Variants in GABBR2 observed in about 807,000 individuals in gnomAD.
GABBR2 encodes gamma-aminobutyric acid type B receptor subunit 2.
A neutral mutation model predicts 105.6 loss-of-function variants in GABBR2; 23 were observed. The observed-to-expected ratio is 0.22, with a 90% CI of 0.16 to 0.31. The LOEUF is 0.31. Among genes scored for constraint, GABBR2 ranks in the 10% least tolerant of loss-of-function variants. The pLI is 1.00. For missense variants in GABBR2, 734 were observed against 1,245.5 expected (o/e 0.59, Z 6.18); for synonymous variants, 478 against 499.7 (o/e 0.96, Z 0.58).
intron 13 of GABBR2, among the ~76,000 whole-genome samples, chr9:98,334,573 G>C (rs1470285207): frequency 1.4e-5 from 2 of 143,828 alleles, no homozygotes; most frequent in African/African-American, 5.1e-5. Flanking sequence ...GTACGTGTTT[G>C]CTTACTATTG....
At chr9:98,402,755 C>G (rs965440700) in intron 8 of GABBR2, among the ~76,000 whole-genome samples, 1 of 152,106 alleles carries the variant, frequency 6.6e-6, no homozygotes, top group Admixed American at 6.5e-5. Context: ...ATTTATCCTC[C>G]CCTTCTCATC....
intron 4 of GABBR2, among the ~76,000 whole-genome samples, chr9:98,486,238 G>A (rs535149631): frequency 5.9e-5 from 9 of 152,292 alleles, no homozygotes; most frequent in Non-Finnish European, 8.8e-5. Context: ...TTGACTCCTC[G>A]CTCCTATCTA....
chr9:98,317,193 C>G (rs898987167), intron 13 of GABBR2, among the ~76,000 whole-genome samples: 1 of 152,308 alleles, frequency 6.6e-6, no homozygotes, highest in Admixed American at 6.5e-5. Flanking sequence ...GGCAGGGCAC[C>G]GTGTCCAGCA....
At position 98,574,462 on chromosome 9, in the gene GABBR2, G is replaced by T. The variant is rs114713390; in HGVS notation, c.459+3473C>A. On this transcript the variant is annotated intron_variant, in intron 2 of 18. Transcript: ENST00000259455. ...AGCCACACTGGAAGCAGATCCTTCG[G>T]CCCTAATCAAGCCTTCAGATGATGC... Among the ~76,000 whole-genome samples, 215 of 152,274 alleles carry T rather than the reference G, an allele frequency of 1.4e-3. 1 individual carries two copies. The highest frequency in any genetic ancestry group is 5.0e-3 in the African/African-American group (206 of 41,548).
At chr9:98,594,561 A>T (rs1303411324) in intron 1 of GABBR2, among the ~76,000 whole-genome samples, 1 of 152,182 alleles carries the variant, frequency 6.6e-6, no homozygotes, top group Admixed American at 6.5e-5. Context: ...CCTATGGCTC[A>T]TTGAGGCAGC....
intron 3 of GABBR2, among the ~76,000 whole-genome samples, chr9:98,536,527 CACTGCCT>C (rs1432656401): frequency 2.0e-5 from 3 of 152,116 alleles, no homozygotes; most frequent in Non-Finnish European, 4.4e-5. Context: ...ATCCCCTGCC[CACTGCCT>C]TCATCTCCAC....
chr9:98,563,963 A>G (rs1025946958), intron 2 of GABBR2, among the ~76,000 whole-genome samples: 1 of 152,236 alleles, frequency 6.6e-6, no homozygotes, highest in Non-Finnish European at 1.5e-5. Flanking sequence ...TGAAATACTT[A>G]GCATAGTTAT....
chr9:98,479,303 G>C (rs1240513166), intron 5 of GABBR2, among the ~76,000 whole-genome samples: 1 of 152,142 alleles, frequency 6.6e-6, no homozygotes, highest in Non-Finnish European at 1.5e-5. Flanking sequence ...AGGGTTCACT[G>C]TACATGAGGT....
intron 2 of GABBR2, among the ~76,000 whole-genome samples, chr9:98,561,985 T>G (rs1828678827): frequency 6.6e-6 from 1 of 152,082 alleles, no homozygotes; most frequent in African/African-American, 2.4e-5. Flanking sequence ...TAAAAGCTTG[T>G]GAGGAAATGG....
chr9:98,349,221 T>C (rs1831349727), intron 13 of GABBR2, among the ~76,000 whole-genome samples: 1 of 152,182 alleles, frequency 6.6e-6, no homozygotes, highest in Admixed American at 6.5e-5. Context: ...TAATGCAATA[T>C]ATTACATTTA....
At position 98,529,581 on chromosome 9, in the gene GABBR2, A is replaced by G. The variant is rs144457184; in HGVS notation, c.630+12292T>C. Among the ~76,000 whole-genome samples the G allele has an allele frequency of 4.6e-3, 695 of 152,330 alleles. 3 individuals carry two copies. The highest frequency in any genetic ancestry group is 7.2e-3 in the Non-Finnish European group (492 of 68,024). ...CCTTTGTGCTCTTTTGTGTTTTCCAAGTTTTCTGCATTGAGTTCATATCCA... is the reference window on the plus strand; with the variant it reads ...CCTTTGTGCTCTTTTGTGTTTTCCAGGTTTTCTGCATTGAGTTCATATCCA... On this transcript the variant is annotated intron_variant, in intron 3 of 18. Coordinates refer to ENST00000259455, the MANE Select transcript of GABBR2 (RefSeq NM_005458.8).
chr9:98,584,926 G>A (rs73494498), intron 1 of GABBR2, among the ~76,000 whole-genome samples: 5 of 152,180 alleles, frequency 3.3e-5, no homozygotes, highest in African/African-American at 1.2e-4. Context: ...TCCTCGGCCA[G>A]CTCTGCTTCT....
chr9:98,470,289 A>T (rs1336243217), intron 6 of GABBR2, among the ~76,000 whole-genome samples: 1 of 152,228 alleles, frequency 6.6e-6, no homozygotes. Flanking sequence ...TGGGCAATGT[A>T]CAAAAGAAAG....
intron 13 of GABBR2, among the ~76,000 whole-genome samples, chr9:98,326,555 C>T (rs1372031371): frequency 2.0e-5 from 3 of 152,178 alleles, no homozygotes; most frequent in African/African-American, 7.2e-5. Context: ...ACATTTGACT[C>T]TTGTGGGCTG....
rs566180088 is a variant in GABBR2 at position 98,548,974 on chromosome 9, C to T, written c.460-6931G>A. 1.6e-5 allele frequency among the ~76,000 whole-genome samples: 2 copies of T among 121,544 alleles called. 1 individual carries two copies. Among genetic ancestry groups the T allele is most frequent in the East Asian group, 7.2e-4 (2 of 2,796 alleles). The allele number at this position is 121,544 out of a possible 152,430, so 79.7% of individuals were successfully genotyped here. On this transcript the variant is annotated intron_variant, in intron 2 of 18. Coordinates refer to ENST00000259455, the MANE Select transcript of GABBR2 (RefSeq NM_005458.8). ...TCTTTGAGATGGAGTCCTGCTCTAT[C>T]GCCCAGGCTGGAGTGCAGTGGTGCA...
At chr9:98,466,499 C>T (rs1225318851) in intron 6 of GABBR2, among the ~76,000 whole-genome samples, 6 of 152,178 alleles carry the variant, frequency 3.9e-5, no homozygotes, top group African/African-American at 4.8e-5. Flanking sequence ...TCTCACATGA[C>T]CTGGGTTATA....
At chr9:98,404,683 A>T (rs1236612399) in intron 8 of GABBR2, among the ~76,000 whole-genome samples, 1 of 152,066 alleles carries the variant, frequency 6.6e-6, no homozygotes, top group African/African-American at 2.4e-5. Flanking sequence ...TTCCTCAAGG[A>T]TGCTCCTCAC....
At chr9:98,703,272 C>A (rs1019557987) in intron 1 of GABBR2, among the ~76,000 whole-genome samples, 6 of 152,248 alleles carry the variant, frequency 3.9e-5, no homozygotes, top group South Asian at 2.1e-4. Context: ...TTAAAGATAT[C>A]ATTTGAGCCC....
At chr9:98,556,835 AG>A (rs1828594161) in intron 2 of GABBR2, among the ~76,000 whole-genome samples, 1 of 152,140 alleles carries the variant, frequency 6.6e-6, no homozygotes, top group Non-Finnish European at 1.5e-5. Flanking sequence ...GCTTGAGCCT[AG>A]GAAGTGGAGA....
Sources: allele counts gnomAD v4.1 joint callset (sites outside exome capture counted in the v4.1 genomes callset), GRCh38; gene constraint gnomAD v4.1.1; transcripts MANE v1.5; gene names NCBI Gene and HGNC (gene_info 2026-07-23, HGNC 2026-07-21).